KIRREL3: variants seen among roughly 807,000 people sequenced by gnomAD.
The protein encoded by KIRREL3 is kirre like nephrin family adhesion molecule 3, also known as kin of IRRE-like protein 3.
In KIRREL3, 36 loss-of-function variants were observed where a neutral mutation model predicts 89.7. That is an observed-to-expected ratio of 0.40 (90% CI 0.31 to 0.53). KIRREL3 has a LOEUF of 0.53. Ranked by LOEUF, KIRREL3 falls within the 20% of genes least tolerant of loss-of-function variation. The probability of loss-of-function intolerance (pLI) is 0.49; values close to 1 mark genes in which losing one functional copy is unlikely to be tolerated. For missense variants in KIRREL3, 864 were observed against 1,056.6 expected (o/e 0.82, Z 2.53); for synonymous variants, 445 against 441.4 (o/e 1.01, Z -0.10).
At chr11:126,649,279 A>G (rs752550074) in intron 1 of KIRREL3, among the ~76,000 whole-genome samples, 15 of 152,088 alleles carry the variant, frequency 9.9e-5, no homozygotes, top group Non-Finnish European at 2.2e-4. Flanking sequence ...GGCCCCTCCA[A>G]ATCTAAGGTT....
Position 126,527,266 on chromosome 11 carries a change from G to C in KIRREL3, c.134-579C>G, listed in dbSNP as rs1200226858. On this transcript the variant is annotated intron_variant, in intron 2 of 16. Transcript: ENST00000525144. This position sits in a 1 kb window ranked among gnomAD's most constrained non-coding sequence, Gnocchi z 4.2. ...ATGGCAGGAGGTGTGCTGAGGAGGC[G>C]TGCCATCCTACCGTGTCCTCCCTGT... Among the ~76,000 whole-genome samples, 1 of 152,164 alleles carries C rather than the reference G, an allele frequency of 6.6e-6. No individual in the cohort carries two copies. The highest frequency in any genetic ancestry group is 2.1e-4 in the South Asian group (1 of 4,824).
chr11:126,863,769 T>C (rs976520387), intron 1 of KIRREL3, among the ~76,000 whole-genome samples: 9 of 152,134 alleles, frequency 5.9e-5, no homozygotes, highest in African/African-American at 1.9e-4. Context: ...TTAAAGTCAC[T>C]TTAAGTTGGG....
chr11:126,634,134 C>G (rs777662959), intron 1 of KIRREL3, among the ~76,000 whole-genome samples: 1 of 152,116 alleles, frequency 6.6e-6, no homozygotes, highest in Non-Finnish European at 1.5e-5. Context: ...GATCCAGTGT[C>G]GAAGGCCAAT....
chr11:126,962,548 G>T (rs1949125361), intron 1 of KIRREL3, among the ~76,000 whole-genome samples: 1 of 152,168 alleles, frequency 6.6e-6, no homozygotes, highest in African/African-American at 2.4e-5. Context: ...TTCTTGAGGT[G>T]AAATGTACTC....
chr11:126,732,804 A>C (rs1210398906), intron 1 of KIRREL3, among the ~76,000 whole-genome samples: 2 of 152,250 alleles, frequency 1.3e-5, no homozygotes, highest in African/African-American at 4.8e-5. Flanking sequence ...AGAGCACTGC[A>C]GAGTGGAAAA....
chr11:126,676,536 G>A lies in KIRREL3; in HGVS notation c.56-113624C>T, dbSNP rs932908229. ...TGTTTTGTTTTGTTTGAGTTGGGGGGAGATGCTGCGAGTCCTTTAAAGAAC... is the reference window on the plus strand; with the variant it reads ...TGTTTTGTTTTGTTTGAGTTGGGGGAAGATGCTGCGAGTCCTTTAAAGAAC... On this transcript the variant is annotated intron_variant, in intron 1 of 16. Transcript: ENST00000525144. This position sits in a 1 kb window ranked among gnomAD's most constrained non-coding sequence, Gnocchi z 4.5. Among the ~76,000 whole-genome samples, 4 of 152,072 alleles carry A rather than the reference G, an allele frequency of 2.6e-5. No individual in the cohort carries two copies. Among genetic ancestry groups the A allele is most frequent in the African/African-American group, 9.7e-5 (4 of 41,398 alleles).
At chr11:126,885,403 G>T (rs6590234) in intron 1 of KIRREL3, among the ~76,000 whole-genome samples, 93,696 of 151,924 alleles carry the variant, frequency 0.62, 30,415 homozygotes, top group African/African-American at 0.82. Context: ...ATGGACACTT[G>T]GAGAAATTTT....
chr11:126,840,956 C>T (rs770193438), intron 1 of KIRREL3, among the ~76,000 whole-genome samples: 1 of 152,248 alleles, frequency 6.6e-6, no homozygotes, highest in African/African-American at 2.4e-5. Context: ...AAATTATACA[C>T]TCAGGTTGCT....
chr11:126,889,767 G>A (rs930980655), intron 1 of KIRREL3, among the ~76,000 whole-genome samples: 5 of 152,216 alleles, frequency 3.3e-5, no homozygotes, highest in Non-Finnish European at 7.3e-5. Flanking sequence ...GAAAAATTAT[G>A]AGAGCAATTT....
intron 2 of KIRREL3, among the ~76,000 whole-genome samples, chr11:126,538,350 G>A (rs547777806): frequency 4.9e-4 from 75 of 152,204 alleles, no homozygotes; most frequent in Non-Finnish European, 7.5e-4. Context: ...CCTCTTATGA[G>A]ATTAAGGGAA....
In KIRREL3 at chr11:126,990,217, T is replaced by C. The variant is rs996877926; in HGVS notation, c.55+10238A>G. On this transcript the variant is annotated intron_variant, in intron 1 of 16. Coordinates refer to ENST00000525144, the MANE Select transcript of KIRREL3 (RefSeq NM_032531.4). The surrounding 1 kb of genome is among the most constrained non-coding windows in gnomAD (Gnocchi z 6.3). ...TGGCAGGGAAACCCGTGTGGTGGGC[T>C]GAGCTTCCTCGCTCCCTCTCTTTGA... is the stretch of plus-strand genomic sequence containing the variant. Among the ~76,000 whole-genome samples, 4 of 152,158 alleles carry C rather than the reference T, an allele frequency of 2.6e-5. No individual in the cohort carries two copies. Among genetic ancestry groups the C allele is most frequent in the Non-Finnish European group, 5.9e-5 (4 of 68,028 alleles).
In KIRREL3 at chr11:126,694,303, T is replaced by C. The variant is rs1395673526; in HGVS notation, c.56-131391A>G. Among the ~76,000 whole-genome samples, 6 of 152,252 alleles carry C rather than the reference T, an allele frequency of 3.9e-5. No homozygotes were observed. Among genetic ancestry groups the C allele is most frequent in the African/African-American group, 1.4e-4 (6 of 41,468 alleles). Reference sequence around the variant, plus strand: ...TTGTTCTTGTTTTATTGCTTATTTATGGGAATCTATTTAAAGTGAATTGCA... The same window carrying C: ...TTGTTCTTGTTTTATTGCTTATTTACGGGAATCTATTTAAAGTGAATTGCA... On this transcript the variant is annotated intron_variant, in intron 1 of 16. Transcript: ENST00000525144. The surrounding 1 kb of genome is among the most constrained non-coding windows in gnomAD (Gnocchi z 4.4).
At chr11:126,775,163 A>G (rs554508372) in intron 1 of KIRREL3, among the ~76,000 whole-genome samples, 1 of 152,060 alleles carries the variant, frequency 6.6e-6, no homozygotes, top group South Asian at 2.1e-4. Flanking sequence ...ATTGCCTTTC[A>G]CCTCCCAGTT....
At chr11:126,464,221 G>C (rs7926269) in intron 5 of KIRREL3, among the ~76,000 whole-genome samples, 97,117 of 151,452 alleles carry the variant, frequency 0.64, 31,548 homozygotes, top group East Asian at 0.82. Context: ...GAAGAGAAGA[G>C]AGTCTGCTGG....
In KIRREL3 at chr11:126,797,858, T is replaced by G. The variant is rs188882271; in HGVS notation, c.55+202597A>C. 2.7e-3 allele frequency among the ~76,000 whole-genome samples: 418 copies of G among 152,086 alleles called. 6 individuals are homozygous for G. Among genetic ancestry groups the G allele is most frequent in the Non-Finnish European group, 7.6e-4 (52 of 67,980 alleles). On this transcript the variant is annotated intron_variant, in intron 1 of 16. Coordinates refer to ENST00000525144, the MANE Select transcript of KIRREL3 (RefSeq NM_032531.4). The surrounding 1 kb of genome is among the most constrained non-coding windows in gnomAD (Gnocchi z 4.9). Reference sequence around the variant, plus strand: ...CAACACTCCAGAATGCAAAGAAAAATGAAATAATTGCATTCTGACTTGCTC... The same window carrying G: ...CAACACTCCAGAATGCAAAGAAAAAGGAAATAATTGCATTCTGACTTGCTC...
chr11:126,773,310 C>T lies in KIRREL3; in HGVS notation c.56-210398G>A, dbSNP rs544878218. Among the ~76,000 whole-genome samples the T allele has an allele frequency of 6.6e-6, 1 of 152,268 alleles. No homozygotes were observed. The highest frequency in any genetic ancestry group is 1.9e-4 in the East Asian group (1 of 5,186). The stretch of plus-strand genomic sequence containing the variant: ...ACAGTGTGGGTCGGCTTTGTCCCAT[C>T]AGTTCAGGGCCAGAGTAGAACAAAA... On this transcript the variant is annotated intron_variant, in intron 1 of 16. Coordinates refer to ENST00000525144, the MANE Select transcript of KIRREL3 (RefSeq NM_032531.4). This position sits in a 1 kb window ranked among gnomAD's most constrained non-coding sequence, Gnocchi z 4.2.
chr11:126,570,421 A>G lies in KIRREL3; in HGVS notation c.56-7509T>C, dbSNP rs893868650. 2.0e-5 allele frequency among the ~76,000 whole-genome samples: 3 copies of G among 152,356 alleles called. No individual in the cohort carries two copies. Among genetic ancestry groups the G allele is most frequent in the Non-Finnish European group, 4.4e-5 (3 of 68,028 alleles). ...TGTGGTCTTAAATTACGTTTTTGAA[A>G]TAATGAGTTCTATAACATTTCATGT... On this transcript the variant is annotated intron_variant, in intron 1 of 16. Transcript: ENST00000525144. The surrounding 1 kb of genome is among the most constrained non-coding windows in gnomAD (Gnocchi z 6.1).
intron 2 of KIRREL3, among the ~76,000 whole-genome samples, chr11:126,554,672 C>A (rs1939566000): frequency 6.6e-6 from 1 of 152,132 alleles, no homozygotes; most frequent in South Asian, 2.1e-4. Flanking sequence ...CCAAACAGAG[C>A]CAACTGACTG....
chr11:126,503,234 G>C (rs981508489), intron 4 of KIRREL3, among the ~76,000 whole-genome samples: 2 of 152,132 alleles, frequency 1.3e-5, no homozygotes, highest in Admixed American at 1.3e-4. Flanking sequence ...TCTTCCTGGT[G>C]GGGGGCGTCC....
Sources: allele counts gnomAD v4.1 joint callset (sites outside exome capture counted in the v4.1 genomes callset), GRCh38; gene constraint gnomAD v4.1.1; non-coding constraint Gnocchi (gnomAD v3.1); transcripts MANE v1.5; gene names NCBI Gene and HGNC (gene_info 2026-07-23, HGNC 2026-07-21).